The following PLLP variants were observed in gnomAD, a reference collection of about 807,000 sequenced individuals.
PLLP encodes plasma membrane proteolipid (plasmolipin).
In PLLP, 15 loss-of-function variants were observed where a neutral mutation model predicts 19.7. That is an observed-to-expected ratio of 0.76 (90% CI 0.51 to 1.17). PLLP has a LOEUF of 1.17. PLLP is among the 50% of genes most tolerant of loss of function. PLLP has a pLI of 0.00. For synonymous variants in PLLP, 111 were observed against 116.3 expected (o/e 0.95, Z 0.29); for missense variants, 255 against 258.3 (o/e 0.99, Z 0.09).
chr16:57,284,277 CG>C, intron 1 of PLLP, 128 bp downstream of exon 1: 1 of 835,520 alleles, frequency 1.2e-6, no homozygotes. Context: ...CGCAGCGCGT[CG>C]GTGACAGTGT....
intron 3 of PLLP, among the ~76,000 whole-genome samples, chr16:57,258,205 T>C (rs1033103428): frequency 1.3e-5 from 2 of 152,140 alleles, no homozygotes; most frequent in Non-Finnish European, 1.5e-5. Context: ...CACTCCAGCC[T>C]GGGCAACAGA....
chr16:57,277,576 G>A (rs1901168493), intron 1 of PLLP, among the ~76,000 whole-genome samples: 1 of 152,200 alleles, frequency 6.6e-6, no homozygotes, highest in Admixed American at 6.5e-5. Context: ...GGGTGACAGA[G>A]CAAGACTCTG....
chr16:57,265,820 G>A (rs1368822202), intron 1 of PLLP, among the ~76,000 whole-genome samples: 6 of 152,166 alleles, frequency 3.9e-5, no homozygotes, highest in African/African-American at 1.4e-4. Context: ...TTGAGCTCAG[G>A]AGTTCGAAAC....
intron 2 of PLLP, among the ~76,000 whole-genome samples, chr16:57,260,005 C>CA (rs1176847900): frequency 8.0e-5 from 12 of 150,614 alleles, no homozygotes; most frequent in Non-Finnish European, 1.5e-4. Context: ...CTTAGGATAT[C>CA]AAAAGATTTC....
chr16:57,260,182 A>C (rs1370708890), intron 2 of PLLP, among the ~76,000 whole-genome samples: 1 of 152,090 alleles, frequency 6.6e-6, no homozygotes, highest in Non-Finnish European at 1.5e-5. Context: ...AGAAAATCCC[A>C]AATTGGCCAT....
chr16:57,261,975 C>A lies in PLLP; in HGVS notation c.231G>T (p.Trp77Cys). Reference protein sequence around the residue: ...GWVMFVAVFLWLVTIVLFNLY... With the variant: ...GWVMFVAVFLCLVTIVLFNLY... ...GGTTGAAGAGGACGATTGTCACCAGCCAGAGGAAGACAGCGACGAACATCA... is the reference window on the plus strand; with the variant it reads ...GGTTGAAGAGGACGATTGTCACCAGACAGAGGAAGACAGCGACGAACATCA... Residue 77 changes from tryptophan to cysteine, a missense_variant, in exon 2 of 4, where the codon TGG becomes TGT. Physicochemically the swap from Trp to Cys is radical, Grantham distance 215. Coordinates refer to ENST00000219207, the MANE Select transcript of PLLP (RefSeq NM_015993.3). 6.2e-7 allele frequency: 1 copy of A among 1,614,132 alleles called. No individual in the cohort carries two copies. The highest frequency in any genetic ancestry group is 8.5e-7 in the Non-Finnish European group (1 of 1,180,012).
intron 1 of PLLP, among the ~76,000 whole-genome samples, chr16:57,273,259 CA>C (rs113609632): frequency 7.2e-4 from 103 of 142,516 alleles, no homozygotes; most frequent in East Asian, 8.1e-4. Flanking sequence ...GACTCCATCT[CA>C]AAAAAAAAAA....
chr16:57,278,500 T>A (rs1405568374), intron 1 of PLLP, among the ~76,000 whole-genome samples: 6 of 152,208 alleles, frequency 3.9e-5, no homozygotes, highest in Non-Finnish European at 8.8e-5. Context: ...TTTAGTGTAA[T>A]CTGTACAGGT....
At position 57,256,233 on chromosome 16, in the gene PLLP, C is replaced by T. The variant is rs1403464724; in HGVS notation, c.*680G>A. 2.3e-5 allele frequency: 9 copies of T among 393,308 alleles called. No individual in the cohort carries two copies. Among genetic ancestry groups the T allele is most frequent in the Admixed American group, 4.4e-5 (1 of 22,552 alleles). The allele number at this position is 393,308 out of a possible 1,614,324, so 24.4% of individuals were successfully genotyped here. On this transcript the variant is annotated 3_prime_UTR_variant, in exon 4 of 4. Coordinates refer to ENST00000219207, the MANE Select transcript of PLLP (RefSeq NM_015993.3). The stretch of plus-strand genomic sequence containing the variant: ...CTAGTCAGCAAGGTCGGGGAGGCAC[C>T]GATGTTAGCTTCGCCCAAAGGGAGT...
At chr16:57,280,970 C>T (rs1263129347) in intron 1 of PLLP, among the ~76,000 whole-genome samples, 1 of 152,222 alleles carries the variant, frequency 6.6e-6, no homozygotes, top group Admixed American at 6.5e-5. Flanking sequence ...ATACCAGGAA[C>T]ATTCATCAAA....
At chr16:57,276,591 CAAAAA>C (rs34532075) in intron 1 of PLLP, among the ~76,000 whole-genome samples, 1 of 107,898 alleles carries the variant, frequency 9.3e-6, no homozygotes, top group East Asian at 2.6e-4. Context: ...GACTCTGTCT[CAAAAA>C]AAAAAAAAAA....
At position 57,258,474 on chromosome 16, in the gene PLLP, G is replaced by A. The variant is rs151251163; in HGVS notation, c.420C>T (p.Arg140=). ...SLRGTRPYNQ[R]AAASFFACLV... ...GAAGCAGACTCACCGAGGCAGCCGC[G>A]CGCTGGTTATAAGGCCGGGTGCCCC... Residue 140 remains arginine (R), a synonymous_variant, in exon 3 of 4, where the codon CGC becomes CGT. Coordinates refer to ENST00000219207, the MANE Select transcript of PLLP (RefSeq NM_015993.3). 2.7e-5 allele frequency: 43 copies of A among 1,611,254 alleles called. No individual in the cohort carries two copies. Among genetic ancestry groups the A allele is most frequent in the South Asian group, 7.7e-5 (7 of 91,044 alleles).
At chr16:57,283,512 A>G (rs937299555) in intron 1 of PLLP, among the ~76,000 whole-genome samples, 13 of 152,160 alleles carry the variant, frequency 8.5e-5, no homozygotes, top group Admixed American at 3.3e-4. Context: ...CTCCAATTCC[A>G]CCTGAGTCCT....
intron 1 of PLLP, among the ~76,000 whole-genome samples, chr16:57,276,133 A>C (rs1901150905): frequency 6.6e-6 from 1 of 152,008 alleles, no homozygotes. Flanking sequence ...ACCCAAACAC[A>C]TTTTTTAAAA....
At chr16:57,271,898 C>A (rs148378758) in intron 1 of PLLP, among the ~76,000 whole-genome samples, 24 of 152,110 alleles carry the variant, frequency 1.6e-4, no homozygotes, top group Middle Eastern at 3.4e-3. Flanking sequence ...GCCTGCCAGT[C>A]CCCTCCTCTG....
chr16:57,263,268 C>CCT (rs2075447416), intron 1 of PLLP: 1 of 152,298 alleles, frequency 6.6e-6, no homozygotes, highest in African/African-American at 2.4e-5. Flanking sequence ...AAGGGGCCTA[C>CCT]CTGTCAGGCT....
At chr16:57,257,730 G>A (rs1439565952) in intron 3 of PLLP, among the ~76,000 whole-genome samples, 2 of 152,214 alleles carry the variant, frequency 1.3e-5, no homozygotes, top group Non-Finnish European at 2.9e-5. Context: ...CCCAGAGTTT[G>A]GGTTTCATGG....
intron 1 of PLLP, among the ~76,000 whole-genome samples, chr16:57,267,341 C>T (rs1373162141): frequency 6.6e-6 from 1 of 151,544 alleles, no homozygotes; most frequent in Non-Finnish European, 1.5e-5. Context: ...GCCTGAGGTG[C>T]ATGATCAGTT....
At chr16:57,275,477 CA>C (rs1168536952) in intron 1 of PLLP, among the ~76,000 whole-genome samples, 1 of 151,294 alleles carries the variant, frequency 6.6e-6, no homozygotes, top group Non-Finnish European at 1.5e-5. Flanking sequence ...TAATTAAATA[CA>C]ACAAATATGT....
Sources: allele counts gnomAD v4.1 joint callset (sites outside exome capture counted in the v4.1 genomes callset), GRCh38; gene constraint gnomAD v4.1.1; transcripts MANE v1.5; gene names NCBI Gene and HGNC (gene_info 2026-07-23, HGNC 2026-07-21).